Variants in SEMA3E observed in about 807,000 individuals in gnomAD.
SEMA3E encodes the protein semaphorin-3E.
In SEMA3E, 49 loss-of-function variants were observed where a neutral mutation model predicts 93.6. The observed-to-expected ratio is 0.52, with a 90% CI of 0.42 to 0.66. The LOEUF is 0.66. SEMA3E is among the 30% of genes least tolerant of loss of function. The pLI, the probability that SEMA3E is intolerant of heterozygous loss-of-function variation, is 0.00. For synonymous variants in SEMA3E, 363 were observed against 330.7 expected, an observed-to-expected ratio of 1.10 and a Z score of -1.06; for missense variants, 906 against 964.8, an observed-to-expected ratio of 0.94 and a Z score of 0.81.
At chr7:83,535,400 TTA>T (rs1791392185) in intron 1 of SEMA3E, among the ~76,000 whole-genome samples, 1 of 78,592 alleles carries the variant, frequency 1.3e-5, no homozygotes, top group South Asian at 7.8e-4. Flanking sequence ...TTTTAAAAAG[TTA>T]CTTTTTTTTC....
chr7:83,446,447 G>A (rs1288590400), intron 4 of SEMA3E, among the ~76,000 whole-genome samples: 1 of 152,236 alleles, frequency 6.6e-6, no homozygotes, highest in Non-Finnish European at 1.5e-5. Flanking sequence ...CAAGTAGTTT[G>A]TGGTGACGTT....
intron 1 of SEMA3E, 60 bp from the exon 2 acceptor site, chr7:83,490,334 C>A: frequency 5.2e-6 from 8 of 1,546,122 alleles, no homozygotes; most frequent in Non-Finnish European, 5.3e-6. Context: ...CCTTTATCAC[C>A]CTTTTCTCAT....
intron 1 of SEMA3E, among the ~76,000 whole-genome samples, chr7:83,570,552 CAA>C (rs59715914): frequency 9.1e-5 from 3 of 33,080 alleles, no homozygotes; most frequent in African/African-American, 4.6e-4. Context: ...GACTCCGTCT[CAA>C]AAAAAAAAAA....
chr7:83,527,647 A>G (rs1357051327), intron 1 of SEMA3E, among the ~76,000 whole-genome samples: 1 of 152,170 alleles, frequency 6.6e-6, no homozygotes, highest in Non-Finnish European at 1.5e-5. Context: ...TGGGGTTTCA[A>G]TATTTCATCC....
intron 12 of SEMA3E, among the ~76,000 whole-genome samples, chr7:83,395,012 G>A (rs1011772300): frequency 6.6e-6 from 1 of 152,130 alleles, no homozygotes; most frequent in African/African-American, 2.4e-5. Flanking sequence ...TCCACTCTGG[G>A]GATGATTATC....
At chr7:83,567,134 C>G (rs1396292373) in intron 1 of SEMA3E, among the ~76,000 whole-genome samples, 2 of 152,092 alleles carry the variant, frequency 1.3e-5, no homozygotes, top group African/African-American at 4.8e-5. Context: ...ATAAAGCAGA[C>G]TTTACGTCAG....
chr7:83,385,671 G>A (rs1787864548), intron 15 of SEMA3E, among the ~76,000 whole-genome samples: 1 of 152,042 alleles, frequency 6.6e-6, no homozygotes, highest in Non-Finnish European at 1.5e-5. Context: ...TGGTTCCAAA[G>A]GATGGGACAG....
intron 2 of SEMA3E, among the ~76,000 whole-genome samples, chr7:83,478,800 C>T (rs1202729628): frequency 6.6e-6 from 1 of 152,204 alleles, no homozygotes; most frequent in Non-Finnish European, 1.5e-5. Context: ...TAATGGCACA[C>T]TGAAGACCAA....
At chr7:83,582,062 A>C (rs1438715984) in intron 1 of SEMA3E, among the ~76,000 whole-genome samples, 1 of 151,762 alleles carries the variant, frequency 6.6e-6, no homozygotes, top group Non-Finnish European at 1.5e-5. Context: ...CTAACCCTTA[A>C]CTCCCAAGTC....
chr7:83,644,275 G>A (rs998196437), intron 1 of SEMA3E, among the ~76,000 whole-genome samples: 1 of 151,716 alleles, frequency 6.6e-6, no homozygotes, highest in Non-Finnish European at 1.5e-5. Context: ...ATTATAACTA[G>A]AGGTCAAAGA....
chr7:83,458,344 ATATATT>A (rs1789535654), intron 4 of SEMA3E, among the ~76,000 whole-genome samples: 1 of 151,490 alleles, frequency 6.6e-6, no homozygotes, highest in African/African-American at 2.4e-5. Context: ...ATATATGTAT[ATATATT>A]TATTTATTTT....
intron 4 of SEMA3E, among the ~76,000 whole-genome samples, chr7:83,450,166 C>T (rs1423227337): frequency 6.6e-6 from 1 of 152,184 alleles, no homozygotes; most frequent in Admixed American, 6.5e-5. Context: ...TTATACACCA[C>T]TTGTGGGCAT....
At chr7:83,549,316 C>A (rs963037490) in intron 1 of SEMA3E, among the ~76,000 whole-genome samples, 1 of 152,072 alleles carries the variant, frequency 6.6e-6, no homozygotes, top group African/African-American at 2.4e-5. Flanking sequence ...ATCATAAAGG[C>A]TATTTGCTAA....
chr7:83,559,158 G>C (rs1791977056), intron 1 of SEMA3E, among the ~76,000 whole-genome samples: 1 of 152,024 alleles, frequency 6.6e-6, no homozygotes, highest in East Asian at 1.9e-4. Context: ...ATCTTTGCTA[G>C]GACAGTTGCT....
chr7:83,491,418 A>G (rs1790382425), intron 1 of SEMA3E, among the ~76,000 whole-genome samples: 1 of 151,888 alleles, frequency 6.6e-6, no homozygotes, highest in African/African-American at 2.4e-5. Context: ...TTCCTTATCT[A>G]TATCTCTACC....
At chr7:83,615,580 A>G (rs969616559) in intron 1 of SEMA3E, among the ~76,000 whole-genome samples, 3 of 152,104 alleles carry the variant, frequency 2.0e-5, no homozygotes, top group Admixed American at 6.6e-5. Flanking sequence ...TAAAAAATAC[A>G]TGAAACTTTT....
In SEMA3E at chr7:83,426,139, A is replaced by C. The variant is rs559206736; in HGVS notation, c.457-7656T>G. ...CTGCCAGTGGGAATTTGTTTAAATT[A>C]GTTCAGCCACTGTAGAAATCAGTTT... On this transcript the variant is annotated intron_variant, in intron 4 of 16. Transcript: ENST00000643230. Among the ~76,000 whole-genome samples the C allele has an allele frequency of 3.9e-5, 6 of 152,350 alleles. No individual in the cohort carries two copies. In the South Asian group the frequency reaches 1.0e-3, roughly 26 times the overall value.
intron 2 of SEMA3E, among the ~76,000 whole-genome samples, chr7:83,472,198 T>C (rs1007790254): frequency 1.3e-5 from 2 of 152,208 alleles, no homozygotes; most frequent in Non-Finnish European, 2.9e-5. Context: ...AATGGCTACA[T>C]GTCTATACCA....
intron 1 of SEMA3E, among the ~76,000 whole-genome samples, chr7:83,547,702 T>C (rs1273145900): frequency 6.6e-6 from 1 of 152,224 alleles, no homozygotes; most frequent in Non-Finnish European, 1.5e-5. Context: ...AACCTCTTGG[T>C]TGCTGCTAGA....
Sources: allele counts gnomAD v4.1 joint callset (sites outside exome capture counted in the v4.1 genomes callset), GRCh38; gene constraint gnomAD v4.1.1; transcripts MANE v1.5; gene names NCBI Gene and HGNC (gene_info 2026-07-23, HGNC 2026-07-21).